ATXN1: variants seen among roughly 807,000 people sequenced by gnomAD.
ATXN1 encodes ataxin 1, also known as ataxin-1.
A neutral mutation model predicts 56.4 loss-of-function variants in ATXN1; 8 were observed. The observed-to-expected ratio is 0.14, with a 90% CI of 0.08 to 0.26. The LOEUF (loss-of-function observed/expected upper bound fraction) is 0.26, where lower values mean the gene tolerates loss of function less well. Ranked by LOEUF, ATXN1 falls within the 10% of genes least tolerant of loss-of-function variation. The pLI is 1.00. For synonymous variants in ATXN1, 514 were observed against 494.6 expected (o/e 1.04, Z -0.52); for missense variants, 987 against 1,106.5 (o/e 0.89, Z 1.53).
chr6:16,683,318 G>A (rs1391639950), intron 2 of ATXN1, among the ~76,000 whole-genome samples: 2 of 152,200 alleles, frequency 1.3e-5, no homozygotes, highest in Non-Finnish European at 2.9e-5. Context: ...TTTCTAAATT[G>A]ACAGCCCTGA....
intron 2 of ATXN1, among the ~76,000 whole-genome samples, chr6:16,733,943 T>C (rs1760051892): frequency 2.0e-5 from 3 of 151,266 alleles, no homozygotes; most frequent in African/African-American, 7.3e-5. Flanking sequence ...TGGTCAGGAG[T>C]TCAAAACCAG....
chr6:16,707,143 G>A (rs1217856156), intron 2 of ATXN1, among the ~76,000 whole-genome samples: 1 of 151,868 alleles, frequency 6.6e-6, no homozygotes. Context: ...GTCAGCACTT[G>A]AGACAGAAAT....
chr6:16,368,162 T>A (rs1448171127), intron 6 of ATXN1, among the ~76,000 whole-genome samples: 3 of 149,946 alleles, frequency 2.0e-5, no homozygotes, highest in Admixed American at 6.6e-5. Context: ...AGAGCAAGAA[T>A]CTGTCTCAAA....
chr6:16,687,657 T>TACACACACACACAC (rs57034032), intron 2 of ATXN1, among the ~76,000 whole-genome samples: 3,088 of 143,318 alleles, frequency 0.022, 50 homozygotes, highest in East Asian at 0.071. Flanking sequence ...AAAGAAGAAA[T>TACACACACACACAC]ACACACACAC....
intron 6 of ATXN1, among the ~76,000 whole-genome samples, chr6:16,385,252 A>G (rs78742717): frequency 0.097 from 14,744 of 152,244 alleles, 764 homozygotes; most frequent in Non-Finnish European, 0.12. Context: ...GAAGGTATGG[A>G]GAATCTCAGA....
At chr6:16,345,085 T>C (rs1329764132) in intron 6 of ATXN1, among the ~76,000 whole-genome samples, 1 of 152,246 alleles carries the variant, frequency 6.6e-6, no homozygotes, top group East Asian at 1.9e-4. Context: ...CCTTACAAGC[T>C]GGTTATTAAA....
rs573125334 is a variant in ATXN1, at chr6:16,334,151, C to T, written c.-160-5681G>A. ...ATACAGTGTTTTGGTTATCATATTT[C>T]GAAGTAACAGAAGGCTAGAAGGGAT... On this transcript the variant is annotated intron_variant, in intron 6 of 7. Transcript: ENST00000436367. 3.3e-5 allele frequency among the ~76,000 whole-genome samples: 5 copies of T among 152,110 alleles called. No individual in the cohort carries two copies. The South Asian group carries it at 1.0e-3, about 32-fold the overall frequency.
chr6:16,701,966 C>A (rs1315135386), intron 2 of ATXN1, among the ~76,000 whole-genome samples: 1 of 152,056 alleles, frequency 6.6e-6, no homozygotes, highest in Non-Finnish European at 1.5e-5. Flanking sequence ...ACTTTCTTCA[C>A]AGAATTGGAA....
At chr6:16,717,830 C>CG in intron 2 of ATXN1, among the ~76,000 whole-genome samples, 1 of 152,220 alleles carries the variant, frequency 6.6e-6, no homozygotes, top group Non-Finnish European at 1.5e-5. Context: ...GTATGCAGAT[C>CG]CAGCCAGCCC....
At chr6:16,543,898 C>T (rs952146659) in intron 4 of ATXN1, among the ~76,000 whole-genome samples, 1 of 152,118 alleles carries the variant, frequency 6.6e-6, no homozygotes, top group Middle Eastern at 3.4e-3. Flanking sequence ...AGGGTTGTCA[C>T]TTCGAACCTA....
At chr6:16,702,058 G>C (rs1759296801) in intron 2 of ATXN1, among the ~76,000 whole-genome samples, 6 of 151,904 alleles carry the variant, frequency 3.9e-5, no homozygotes. Context: ...CAAAGCTGGA[G>C]GCATCACACT....
At chr6:16,459,979 C>T (rs1195963248) in intron 6 of ATXN1, among the ~76,000 whole-genome samples, 1 of 152,144 alleles carries the variant, frequency 6.6e-6, no homozygotes, top group Non-Finnish European at 1.5e-5. Context: ...GGAACCAGGG[C>T]CCTCAGCAAA....
intron 6 of ATXN1, among the ~76,000 whole-genome samples, chr6:16,348,106 C>T (rs556761236): frequency 1.8e-4 from 28 of 152,308 alleles, no homozygotes; most frequent in Middle Eastern, 3.4e-3. Flanking sequence ...AGACCAAGAA[C>T]GCACCTAATT....
At chr6:16,603,206 C>T (rs568405025) in intron 3 of ATXN1, among the ~76,000 whole-genome samples, 3 of 152,192 alleles carry the variant, frequency 2.0e-5, no homozygotes, top group African/African-American at 7.2e-5. Flanking sequence ...TCGAGCCAGG[C>T]GTCCGCTAAA....
chr6:16,553,737 A>C (rs1041097910), intron 4 of ATXN1, among the ~76,000 whole-genome samples: 2 of 152,208 alleles, frequency 1.3e-5, no homozygotes, highest in Non-Finnish European at 2.9e-5. Context: ...GGCCCTCAAC[A>C]GCCCATGGCC....
chr6:16,332,574 G>C (rs1255314189), intron 6 of ATXN1, among the ~76,000 whole-genome samples: 3 of 152,202 alleles, frequency 2.0e-5, no homozygotes, highest in Non-Finnish European at 4.4e-5. Flanking sequence ...TCCAAACATG[G>C]GGCCATGCAC....
chr6:16,394,405 A>C (rs1758413507), intron 6 of ATXN1, among the ~76,000 whole-genome samples: 1 of 152,180 alleles, frequency 6.6e-6, no homozygotes, highest in African/African-American at 2.4e-5. Flanking sequence ...TTAAAATTTA[A>C]TTTCATTTTA....
intron 6 of ATXN1, among the ~76,000 whole-genome samples, chr6:16,419,847 C>T (rs907942537): frequency 6.6e-6 from 1 of 152,180 alleles, no homozygotes; most frequent in Admixed American, 6.5e-5. Context: ...CAGAGTCCAT[C>T]CTTCTACTCC....
chr6:16,687,786 C>A (rs1320513439), intron 2 of ATXN1, among the ~76,000 whole-genome samples: 1 of 152,016 alleles, frequency 6.6e-6, no homozygotes, highest in Non-Finnish European at 1.5e-5. Context: ...CTTCTACGGT[C>A]TTTTTGTGCC....
Sources: gnomAD v4.1 joint callset for allele counts (sites outside exome capture counted in the v4.1 genomes callset) on GRCh38, gnomAD v4.1.1 for gene constraint, MANE v1.5 for transcripts, NCBI Gene and HGNC (gene_info 2026-07-23, HGNC 2026-07-21) for gene names.